The following CFAP54 variants were observed in gnomAD, a reference collection of about 807,000 sequenced individuals.
CFAP54 encodes the protein cilia- and flagella-associated protein 54.
Under a neutral mutation model 370.4 loss-of-function variants are expected in CFAP54, and 290 were observed. The observed-to-expected ratio is 0.78, with a 90% CI of 0.71 to 0.86. The LOEUF is 0.86. Among genes scored for constraint, CFAP54 ranks in the 40% least tolerant of loss-of-function variants. CFAP54 has a pLI of 0.00. For synonymous variants in CFAP54, 1,206 were observed against 1,236.5 expected (o/e 0.98, Z 0.52); for missense variants, 3,399 against 3,528.7 (o/e 0.96, Z 0.93).
At chr12:96,499,676 T>C (rs1955002234) in intron 1 of CFAP54, among the ~76,000 whole-genome samples, 1 of 152,174 alleles carries the variant, frequency 6.6e-6, no homozygotes, top group South Asian at 2.1e-4. Flanking sequence ...CTGGGAGCGG[T>C]GGCTCATGCC....
intron 14 of CFAP54, among the ~76,000 whole-genome samples, chr12:96,545,499 A>G (rs1207993226): frequency 6.6e-6 from 1 of 151,274 alleles, no homozygotes; most frequent in East Asian, 1.9e-4. Flanking sequence ...ATATATTTCC[A>G]AAAAAAAATA....
chr12:96,678,971 T>C (rs1344904954), intron 39 of CFAP54, among the ~76,000 whole-genome samples: 1 of 152,192 alleles, frequency 6.6e-6, no homozygotes, highest in Non-Finnish European at 1.5e-5. Context: ...TCTCTCTTGG[T>C]CCTGCTTCAT....
intron 39 of CFAP54, among the ~76,000 whole-genome samples, chr12:96,676,001 T>G (rs1957202650): frequency 6.6e-6 from 1 of 152,006 alleles, no homozygotes; most frequent in Non-Finnish European, 1.5e-5. Flanking sequence ...GACGAGTTAG[T>G]GGGTGCAGCA....
chr12:96,499,112 A>G (rs1446095855), intron 1 of CFAP54, among the ~76,000 whole-genome samples: 1 of 152,048 alleles, frequency 6.6e-6, no homozygotes, highest in African/African-American at 2.4e-5. Context: ...GGGACTACAG[A>G]TGTGCGCCAC....
At chr12:96,867,108 A>G (rs533994061) in intron 67 of CFAP54, among the ~76,000 whole-genome samples, 10 of 152,148 alleles carry the variant, frequency 6.6e-5, no homozygotes, top group Non-Finnish European at 1.3e-4. Flanking sequence ...GGAGGGAAAA[A>G]AATTAAATCT....
At chr12:96,638,241 GTA>G (rs58804420) in intron 32 of CFAP54, among the ~76,000 whole-genome samples, 8,592 of 122,750 alleles carry the variant, frequency 0.07, 460 homozygotes, top group African/African-American at 0.17. Flanking sequence ...GTGTGTGTGT[GTA>G]TATATATATA....
chr12:96,655,469 T>A (rs1384831960), intron 36 of CFAP54, among the ~76,000 whole-genome samples: 2 of 152,182 alleles, frequency 1.3e-5, no homozygotes, highest in Non-Finnish European at 2.9e-5. Context: ...TAATTCTTAA[T>A]GAATGAATTG....
chr12:96,843,489 T>G (rs1329779945), intron 66 of CFAP54, among the ~76,000 whole-genome samples: 1 of 152,214 alleles, frequency 6.6e-6, no homozygotes, highest in Non-Finnish European at 1.5e-5. Flanking sequence ...AGCTTGCCAG[T>G]GCATAAGTTG....
chr12:96,768,004 G>A (rs907250169), intron 60 of CFAP54, among the ~76,000 whole-genome samples: 6 of 152,026 alleles, frequency 3.9e-5, no homozygotes, highest in African/African-American at 1.4e-4. Flanking sequence ...AATCAGAACA[G>A]GCATATACCC....
At chr12:96,671,795 G>A (rs1957149328) in intron 39 of CFAP54, among the ~76,000 whole-genome samples, 1 of 152,102 alleles carries the variant, frequency 6.6e-6, no homozygotes, top group Non-Finnish European at 1.5e-5. Context: ...GGTGGCAGGC[G>A]CCTGTAATCC....
chr12:96,608,732 G>T (rs1565912699), intron 26 of CFAP54, among the ~76,000 whole-genome samples: 1 of 152,104 alleles, frequency 6.6e-6, no homozygotes, highest in Non-Finnish European at 1.5e-5. Context: ...AAACTGCTGG[G>T]ATTACAGGCG....
intron 22 of CFAP54, among the ~76,000 whole-genome samples, chr12:96,582,816 G>A (rs974496684): frequency 2.6e-5 from 4 of 152,108 alleles, no homozygotes; most frequent in Non-Finnish European, 5.9e-5. Flanking sequence ...GTTTATTTAT[G>A]ATGGTTTATG....
chr12:96,683,751 C>T (rs1957295295), intron 40 of CFAP54, among the ~76,000 whole-genome samples: 1 of 151,998 alleles, frequency 6.6e-6, no homozygotes, highest in Non-Finnish European at 1.5e-5. Context: ...CTACACATCC[C>T]AGAATGCATG....
intron 58 of CFAP54, among the ~76,000 whole-genome samples, chr12:96,761,353 A>T (rs1410805214): frequency 6.6e-6 from 1 of 151,974 alleles, no homozygotes; most frequent in Non-Finnish European, 1.5e-5. Flanking sequence ...TTTCTTTTTT[A>T]AAAATATATG....
intron 60 of CFAP54, among the ~76,000 whole-genome samples, chr12:96,779,655 T>TTTATATATTAACATATATATATTAA (rs1958562234): frequency 1.3e-5 from 2 of 148,392 alleles, no homozygotes; most frequent in Non-Finnish European, 3.0e-5. Flanking sequence ...TATATATTAA[T>TTTATATATTAACATATATATATTAA]TTATATATTA....
intron 17 of CFAP54, among the ~76,000 whole-genome samples, chr12:96,556,612 T>C (rs1209172243): frequency 1.3e-5 from 2 of 152,136 alleles, no homozygotes; most frequent in Non-Finnish European, 2.9e-5. Context: ...TGTATGTTCA[T>C]TGCAGCACTA....
In CFAP54 at chr12:96,581,675, T is replaced by C. The variant is rs556915214; in HGVS notation, c.3075+570T>C. ...TCTGCCTATTTATCTATCTAATTAA[T>C]ATATATATATATATACATGCACACA... is the stretch of plus-strand genomic sequence containing the variant. On this transcript the variant is annotated intron_variant, in intron 22 of 67. Coordinates refer to ENST00000524981, the MANE Select transcript of CFAP54 (RefSeq NM_001306084.2). 6.6e-4 allele frequency among the ~76,000 whole-genome samples: 18 copies of C among 27,294 alleles called. No homozygotes were observed. In the East Asian group the frequency reaches 9.0e-3, roughly 14 times the overall value. The allele number at this position is 27,294 out of a possible 152,430, so 17.9% of individuals were successfully genotyped here.
chr12:96,556,396 C>A (rs1028059119), intron 17 of CFAP54, among the ~76,000 whole-genome samples: 1 of 150,450 alleles, frequency 6.6e-6, no homozygotes, highest in African/African-American at 2.4e-5. Context: ...TATTTCTTTT[C>A]TTTTTTTTTC....
chr12:96,582,542 C>T (rs114320008), intron 22 of CFAP54, among the ~76,000 whole-genome samples: 2,180 of 152,190 alleles, frequency 0.014, 66 homozygotes, highest in African/African-American at 0.05. Context: ...GCGTGTCATA[C>T]TGGCTCATGG....
Sources: gnomAD v4.1 joint callset for allele counts (sites outside exome capture counted in the v4.1 genomes callset) on GRCh38, gnomAD v4.1.1 for gene constraint, MANE v1.5 for transcripts, NCBI Gene and HGNC (gene_info 2026-07-23, HGNC 2026-07-21) for gene names.